The following KLF12 variants were observed in gnomAD, a reference collection of about 807,000 sequenced individuals.
KLF12 encodes the protein Krueppel-like factor 12.
KLF12 carries 9 observed loss-of-function variants against 37.8 expected under a neutral mutation model. The observed-to-expected ratio is 0.24, with a 90% CI of 0.14 to 0.42. The LOEUF (loss-of-function observed/expected upper bound fraction) is 0.42. Ranked by LOEUF, KLF12 falls within the 10% of genes least tolerant of loss-of-function variation. KLF12 has a pLI of 1.00. For synonymous variants in KLF12, 208 were observed against 202.1 expected (o/e 1.03, Z -0.25); for missense variants, 411 against 516.0 (o/e 0.80, Z 1.97).
At chr13:73,795,388 A>G (rs1290975807) in intron 5 of KLF12, among the ~76,000 whole-genome samples, 1 of 152,210 alleles carries the variant, frequency 6.6e-6, no homozygotes, top group Non-Finnish European at 1.5e-5. Context: ...GATATTCTCT[A>G]CCTGTCTCCT....
At chr13:73,803,531 T>TA (rs2138359318) in intron 5 of KLF12, among the ~76,000 whole-genome samples, 1 of 151,818 alleles carries the variant, frequency 6.6e-6, no homozygotes, top group South Asian at 2.1e-4. Context: ...CCACAGCACT[T>TA]ACCTTCTCCA....
the KLF12 span, among the ~76,000 whole-genome samples, chr13:74,292,679 G>A: frequency 6.6e-6 from 1 of 152,188 alleles, no homozygotes; most frequent in Non-Finnish European, 1.5e-5. Context: ...CCCCTCCCAA[G>A]TGTACCTTCG....
chr13:74,101,528 T>C (rs1876342853), intron 1 of KLF12, among the ~76,000 whole-genome samples: 1 of 151,810 alleles, frequency 6.6e-6, no homozygotes, highest in African/African-American at 2.4e-5. Context: ...AATACCACTC[T>C]CCACTGAAGG....
chr13:74,195,535 G>T, the KLF12 span, among the ~76,000 whole-genome samples: 2 of 152,210 alleles, frequency 1.3e-5, no homozygotes, highest in Non-Finnish European at 2.9e-5. Context: ...AAGCAGTCTT[G>T]GTTCCTACCT....
At chr13:73,957,387 G>C (rs895089040) in intron 2 of KLF12, among the ~76,000 whole-genome samples, 1 of 152,122 alleles carries the variant, frequency 6.6e-6, no homozygotes, top group Non-Finnish European at 1.5e-5. Flanking sequence ...TTGCTTATTA[G>C]TTCAAGCAAT....
At chr13:73,984,747 C>A (rs979575252) in intron 2 of KLF12, among the ~76,000 whole-genome samples, 1 of 152,150 alleles carries the variant, frequency 6.6e-6, no homozygotes, top group Non-Finnish European at 1.5e-5. Flanking sequence ...CCAACTGATA[C>A]AGAATTTGGC....
At chr13:74,209,280 G>A in the KLF12 span, among the ~76,000 whole-genome samples, 1 of 151,866 alleles carries the variant, frequency 6.6e-6, no homozygotes, top group South Asian at 2.1e-4. Context: ...CTAAGTGTCC[G>A]AGGCTAACTT....
At chr13:74,100,850 T>C (rs1407862052) in intron 1 of KLF12, among the ~76,000 whole-genome samples, 4 of 152,116 alleles carry the variant, frequency 2.6e-5, no homozygotes, top group African/African-American at 9.7e-5. Context: ...AGAATCAAAG[T>C]CCGACCTTCC....
chr13:74,257,104 T>C, the KLF12 span: 34 of 152,342 alleles, frequency 2.2e-4, no homozygotes, highest in African/African-American at 7.0e-4. Flanking sequence ...TTCCTAGTTA[T>C]AGAGCCTAGG....
chr13:74,218,922 G>T, the KLF12 span, among the ~76,000 whole-genome samples: 1 of 151,308 alleles, frequency 6.6e-6, no homozygotes, highest in Non-Finnish European at 1.5e-5. Context: ...ACATGCATAC[G>T]CTTCTTGACT....
chr13:73,745,886 T>C (rs1878326907), intron 6 of KLF12, among the ~76,000 whole-genome samples: 2 of 152,208 alleles, frequency 1.3e-5, no homozygotes, highest in Admixed American at 6.5e-5. Context: ...AAATGACGTA[T>C]CATTTTTACA....
intron 2 of KLF12, among the ~76,000 whole-genome samples, chr13:73,968,906 A>G (rs1406561143): frequency 6.6e-6 from 1 of 150,714 alleles, no homozygotes; most frequent in Non-Finnish European, 1.5e-5. Flanking sequence ...TCCAGCTCCC[A>G]CCTCTCCCCT....
At chr13:73,985,556 C>A (rs1891806074) in intron 2 of KLF12, among the ~76,000 whole-genome samples, 1 of 152,186 alleles carries the variant, frequency 6.6e-6, no homozygotes, top group Admixed American at 6.5e-5. Flanking sequence ...CTCTGTGTAA[C>A]TACCATCCCC....
chr13:74,173,885 A>G, the KLF12 span, among the ~76,000 whole-genome samples: 1 of 152,200 alleles, frequency 6.6e-6, no homozygotes, highest in Non-Finnish European at 1.5e-5. Flanking sequence ...GAATTGCCTT[A>G]CTGTCTGAGA....
At chr13:74,223,218 C>A in the KLF12 span, among the ~76,000 whole-genome samples, 1 of 152,142 alleles carries the variant, frequency 6.6e-6, no homozygotes, top group Non-Finnish European at 1.5e-5. Flanking sequence ...GTAAATAGCT[C>A]AATTTTCTTC....
Position 73,713,603 on chromosome 13 carries a change from T to C in KLF12, c.1027+1765A>G, listed in dbSNP as rs1321654876. On this transcript the variant is annotated intron_variant, in intron 7 of 7. Coordinates refer to ENST00000377669, the MANE Select transcript of KLF12 (RefSeq NM_007249.5). ...AGAGTCTGTGATTTCATTGTATTAA[T>C]AGCCAAGCTAATCAATTCTGCTTCA... Among the ~76,000 whole-genome samples, 6 of 152,262 alleles carry C rather than the reference T, an allele frequency of 3.9e-5. No individual in the cohort carries two copies. The East Asian group carries it at 9.6e-4, about 24-fold the overall frequency.
intron 3 of KLF12, among the ~76,000 whole-genome samples, chr13:73,922,558 G>A (rs551184573): frequency 6.6e-6 from 1 of 152,136 alleles, no homozygotes; most frequent in Non-Finnish European, 1.5e-5. Context: ...GGTATAATCT[G>A]TCTCTTCTTA....
intron 2 of KLF12, among the ~76,000 whole-genome samples, chr13:73,961,025 C>T (rs138800013): frequency 2.2e-4 from 33 of 152,162 alleles, no homozygotes; most frequent in African/African-American, 7.9e-4. Flanking sequence ...AGAAATAAAT[C>T]TTTCCTGGTT....
At chr13:74,024,781 T>C (rs1306282426) in intron 1 of KLF12, among the ~76,000 whole-genome samples, 1 of 152,200 alleles carries the variant, frequency 6.6e-6, no homozygotes, top group Non-Finnish European at 1.5e-5. Context: ...GGAAAAAGTC[T>C]CTCTAAAACA....
Sources: gnomAD v4.1 joint callset for allele counts (sites outside exome capture counted in the v4.1 genomes callset) on GRCh38, gnomAD v4.1.1 for gene constraint, MANE v1.5 for transcripts, NCBI Gene and HGNC (gene_info 2026-07-23, HGNC 2026-07-21) for gene names.